The following FBXW8 variants were observed in gnomAD, a reference collection of about 807,000 sequenced individuals.
FBXW8 encodes F-box and WD repeat domain containing 8.
In FBXW8, 57 loss-of-function variants were observed where a neutral mutation model predicts 65.3. That is an observed-to-expected ratio of 0.87 (90% CI 0.71 to 1.09). The LOEUF (loss-of-function observed/expected upper bound fraction) is 1.09, where lower values mean the gene tolerates loss of function less well. Ranked by LOEUF, FBXW8 falls within the 50% of genes least tolerant of loss-of-function variation. The pLI is 0.00. For synonymous variants in FBXW8, 308 were observed against 330.2 expected, an observed-to-expected ratio of 0.93 and a Z score of 0.73; for missense variants, 777 against 814.8, an observed-to-expected ratio of 0.95 and a Z score of 0.57.
intron 4 of FBXW8, among the ~76,000 whole-genome samples, chr12:116,958,873 C>G (rs957698224): frequency 6.6e-6 from 1 of 152,336 alleles, no homozygotes; most frequent in East Asian, 1.9e-4. Flanking sequence ...GGATGAAACA[C>G]AGCTTCAGAA....
intron 9 of FBXW8, among the ~76,000 whole-genome samples, chr12:117,025,672 T>C (rs1954209753): frequency 6.6e-6 from 1 of 152,206 alleles, no homozygotes; most frequent in African/African-American, 2.4e-5. Context: ...GCTGTGCCTG[T>C]TGAGGGCGCC....
At chr12:117,004,860 CTT>C (rs1953638686) in intron 7 of FBXW8, among the ~76,000 whole-genome samples, 1 of 152,200 alleles carries the variant, frequency 6.6e-6, no homozygotes, top group Admixed American at 6.5e-5. Context: ...TGAATGCTCT[CTT>C]AACTTCCTGG....
rs372916639 is a variant in FBXW8 at position 116,988,852 on chromosome 12, G to A, written c.1222G>A (p.Val408Met). ...TTTTGGTGTACAGGGTCTGGGATGG[G>A]TGTACGAAGGAAGCAAGGTACACAA... ...VAFGVQGLGW[V>M]YEGSKILVYS... The change falls in exon 7 of 11, where the codon GTG becomes ATG. Residue 408 changes from valine (V) to methionine (M), a missense_variant. Coordinates refer to ENST00000652555, the MANE Select transcript of FBXW8 (RefSeq NM_153348.3). 6.2e-7 allele frequency: 1 copy of A among 1,614,012 alleles called. No homozygotes were observed. The highest frequency in any genetic ancestry group is 1.3e-5 in the African/African-American group (1 of 75,002).
intron 7 of FBXW8, chr12:117,002,899 T>C (rs1953569616): frequency 6.6e-6 from 1 of 152,256 alleles, no homozygotes; most frequent in Non-Finnish European, 1.5e-5. Flanking sequence ...TGCATGAACG[T>C]TGATAGGCAC....
intron 2 of FBXW8, among the ~76,000 whole-genome samples, chr12:116,940,665 G>A (rs1882507202): frequency 6.6e-6 from 1 of 152,068 alleles, no homozygotes; most frequent in African/African-American, 2.4e-5. Context: ...GAGTTCACAG[G>A]TGTTTGTAAT....
chr12:116,989,773 C>T (rs1419011905), intron 7 of FBXW8, among the ~76,000 whole-genome samples: 1 of 152,152 alleles, frequency 6.6e-6, no homozygotes, highest in Admixed American at 6.5e-5. Flanking sequence ...GGGATTCCTG[C>T]GAAGGAACGT....
intron 9 of FBXW8, among the ~76,000 whole-genome samples, chr12:117,026,092 G>A (rs1954220189): frequency 6.6e-6 from 1 of 152,246 alleles, no homozygotes; most frequent in Admixed American, 6.5e-5. Context: ...CCAGGCCCCA[G>A]TCTGGCTGTT....
intron 7 of FBXW8, among the ~76,000 whole-genome samples, chr12:117,004,955 T>A (rs901681926): frequency 6.6e-6 from 1 of 152,228 alleles, no homozygotes; most frequent in Middle Eastern, 3.2e-3. Context: ...TTAAACAGAA[T>A]GTCTGAAGGA....
chr12:116,917,068 A>G (rs1413910845), intron 1 of FBXW8, among the ~76,000 whole-genome samples: 4 of 152,126 alleles, frequency 2.6e-5, no homozygotes, highest in African/African-American at 9.7e-5. Context: ...TGCATAGGTC[A>G]TGTTTGTTAT....
At chr12:116,952,565 C>T (rs1883357224) in intron 4 of FBXW8, among the ~76,000 whole-genome samples, 2 of 152,294 alleles carry the variant, frequency 1.3e-5, no homozygotes, top group East Asian at 3.9e-4. Flanking sequence ...CTCGGAACTC[C>T]TAGAGACGGG....
chr12:117,006,168 T>C (rs963582882), intron 7 of FBXW8, among the ~76,000 whole-genome samples: 2 of 152,184 alleles, frequency 1.3e-5, no homozygotes, highest in African/African-American at 4.8e-5. Flanking sequence ...TAGCAGGTAT[T>C]TGAGTATGAA....
chr12:117,017,628 A>G (rs1204513791), intron 8 of FBXW8, among the ~76,000 whole-genome samples: 1 of 152,232 alleles, frequency 6.6e-6, no homozygotes, highest in Non-Finnish European at 1.5e-5. Flanking sequence ...AAACAGAATC[A>G]TGTATTGATT....
chr12:117,028,189 G>T lies in FBXW8; in HGVS notation c.*17G>T. On this transcript the variant is annotated 3_prime_UTR_variant, in exon 11 of 11. Transcript: ENST00000652555. This position sits in a 1 kb window ranked among gnomAD's most constrained non-coding sequence, Gnocchi z 4.1. The stretch of plus-strand genomic sequence containing the variant: ...CATGTTTAGGGATGTGCCTCAGTTG[G>T]GAGCAAGGAGAAAAATGGGAAGAAC... 1 of 1,611,516 alleles carries T rather than the reference G, an allele frequency of 6.2e-7. No homozygotes were observed.
intron 5 of FBXW8, among the ~76,000 whole-genome samples, chr12:116,967,124 T>G (rs1016837570): frequency 1.3e-5 from 2 of 151,800 alleles, no homozygotes; most frequent in African/African-American, 2.4e-5. Flanking sequence ...CGCATTTTAC[T>G]CGTGGGGGGT....
rs147989576 is a variant in FBXW8, at chr12:116,926,012, G to A, written c.319-2011G>A. 4.1e-3 allele frequency among the ~76,000 whole-genome samples: 620 copies of A among 152,246 alleles called. 1 individual carries two copies. Among genetic ancestry groups the A allele is most frequent in the Admixed American group, 6.5e-3 (99 of 15,284 alleles). On this transcript the variant is annotated intron_variant, in intron 1 of 10. Coordinates refer to ENST00000652555, the MANE Select transcript of FBXW8 (RefSeq NM_153348.3). ...CAGGGCTAGGGTGATGCCAAGATAC[G>A]GGCATTGTCTTCCATGATGAGGATG...
At chr12:116,971,502 A>G (rs924997054) in intron 5 of FBXW8, among the ~76,000 whole-genome samples, 1 of 152,134 alleles carries the variant, frequency 6.6e-6, no homozygotes, top group Non-Finnish European at 1.5e-5. Flanking sequence ...CAGAGACTGT[A>G]TTAGGGGCTG....
chr12:116,923,956 G>A (rs1404365134), intron 1 of FBXW8, among the ~76,000 whole-genome samples: 3 of 152,040 alleles, frequency 2.0e-5, no homozygotes, highest in African/African-American at 7.2e-5. Context: ...CTCGTGATCC[G>A]CCTGCCTCGG....
intron 1 of FBXW8, among the ~76,000 whole-genome samples, chr12:116,916,781 C>A (rs1223354829): frequency 6.6e-6 from 1 of 152,074 alleles, no homozygotes; most frequent in African/African-American, 2.4e-5. Context: ...TTTAGCTCAC[C>A]ATTTTGCAGG....
At chr12:116,945,568 C>G (rs1438734506) in intron 3 of FBXW8, 40 bp downstream of exon 3, 1 of 1,586,208 alleles carries the variant, frequency 6.3e-7, no homozygotes, top group Non-Finnish European at 8.6e-7. Context: ...AAAGAATAGC[C>G]TGCAAGGACA....
Sources: allele counts gnomAD v4.1 joint callset (sites outside exome capture counted in the v4.1 genomes callset), GRCh38; gene constraint gnomAD v4.1.1; non-coding constraint Gnocchi (gnomAD v3.1); transcripts MANE v1.5; gene names NCBI Gene and HGNC (gene_info 2026-07-23, HGNC 2026-07-21).